Variants in EPRS1 observed in about 807,000 individuals in gnomAD.
EPRS1 encodes the protein glutamyl-prolyl-tRNA synthetase 1.
EPRS1 carries 107 observed loss-of-function variants against 188.3 expected under a neutral mutation model. The ratio of observed to expected loss-of-function variants is 0.57; its 90% CI spans 0.49 to 0.67. The LOEUF (loss-of-function observed/expected upper bound fraction) is 0.67. Among genes scored for constraint, EPRS1 ranks in the 30% least tolerant of loss-of-function variants. The pLI is 0.00. For synonymous variants in EPRS1, 596 were observed against 593.1 expected, an observed-to-expected ratio of 1.00 and a Z score of -0.07; for missense variants, 1,577 against 1,802.2, an observed-to-expected ratio of 0.88 and a Z score of 2.26.
rs1453624067 is a variant in EPRS1 at position 220,007,316 on chromosome 1, G to A, written c.1628C>T (p.Pro543Leu). The change falls in exon 14 of 32, where the codon CCT becomes CTT. Residue 543 changes from proline (P) to leucine (L), a missense_variant. Physicochemically the swap from Pro to Leu is moderately conservative, Grantham distance 98 (BLOSUM62 -3). Transcript: ENST00000366923. ...GAAAACTTTGGGACTATACCACACAGGCTTCAAGCCAACCTCAGGATTCTG... is the reference window on the plus strand; with the variant it reads ...GAAAACTTTGGGACTATACCACACAAGCTTCAAGCCAACCTCAGGATTCTG... ...HPKNPEVGLKPVWYSPKVFIE... is the reference protein window; with the variant it reads ...HPKNPEVGLKLVWYSPKVFIE... 1 of 1,610,934 alleles carries A rather than the reference G, an allele frequency of 6.2e-7. No homozygotes were observed. Among genetic ancestry groups the A allele is most frequent in the Non-Finnish European group, 8.5e-7 (1 of 1,179,102 alleles).
intron 7 of EPRS1, 31 bp downstream of exon 7, chr1:220,025,101 G>A: frequency 6.2e-7 from 1 of 1,601,730 alleles, no homozygotes; most frequent in East Asian, 2.2e-5. Context: ...TCACTTTTCT[G>A]GCAAAGGGTC....
chr1:220,017,042 A>G (rs897258796), intron 12 of EPRS1, among the ~76,000 whole-genome samples: 2 of 151,868 alleles, frequency 1.3e-5, no homozygotes, highest in African/African-American at 2.4e-5. Context: ...GTAAAACCCC[A>G]TCTCTACTAA....
intron 18 of EPRS1, among the ~76,000 whole-genome samples, chr1:219,992,800 G>A (rs184290116): frequency 8.5e-5 from 13 of 152,276 alleles, no homozygotes; most frequent in African/African-American, 2.2e-4. Flanking sequence ...CGTGGCACGC[G>A]CCTGTAATCC....
intron 2 of EPRS1, among the ~76,000 whole-genome samples, chr1:220,038,729 T>C (rs1393778798): frequency 6.6e-6 from 1 of 152,054 alleles, no homozygotes; most frequent in African/African-American, 2.4e-5. Context: ...AGATAATTCT[T>C]TTGAGCAAAG....
At chr1:220,033,163 C>CA (rs944819120) in intron 4 of EPRS1, among the ~76,000 whole-genome samples, 19 of 152,044 alleles carry the variant, frequency 1.2e-4, no homozygotes, top group Middle Eastern at 3.4e-3. Context: ...AAGTCAGAGA[C>CA]AAGTGTCTGG....
At chr1:220,015,272 G>A (rs1661680071) in intron 12 of EPRS1, among the ~76,000 whole-genome samples, 1 of 148,970 alleles carries the variant, frequency 6.7e-6, no homozygotes, top group South Asian at 2.1e-4. Context: ...AGACCAGCTT[G>A]GCCAAGATGA....
At chr1:219,993,019 G>A (rs1257968835) in intron 18 of EPRS1, among the ~76,000 whole-genome samples, 2 of 152,184 alleles carry the variant, frequency 1.3e-5, no homozygotes, top group Non-Finnish European at 2.9e-5. Flanking sequence ...CGGACAGCTT[G>A]AGTATAGAAG....
chr1:220,024,448 C>T lies in EPRS1; in HGVS notation c.759G>A (p.Leu253=). The T allele has an allele frequency of 2.5e-6, 4 of 1,594,036 alleles. No homozygotes were observed. Among genetic ancestry groups the T allele is most frequent in the Non-Finnish European group, 3.4e-6 (4 of 1,173,586 alleles). Residue 253 remains leucine, a synonymous_variant, in exon 8 of 32, where the codon TTG becomes TTA. Coordinates refer to ENST00000366923, the MANE Select transcript of EPRS1 (RefSeq NM_004446.3). ...KEKEDFEKVI[L]EDVAMLHIKP... is the part of the protein sequence containing the mutation. The stretch of plus-strand genomic sequence containing the variant: ...TGATATGCAACATTGCAACATCTTC[C>T]AAGATAACCTGTAGTAAGAAACCAA...
chr1:219,995,322 G>C (rs1276655249), intron 18 of EPRS1, among the ~76,000 whole-genome samples: 1 of 152,188 alleles, frequency 6.6e-6, no homozygotes, highest in African/African-American at 2.4e-5. Flanking sequence ...TACAACGGTT[G>C]CTTCTGTTAC....
chr1:220,024,377 A>T lies in EPRS1; in HGVS notation c.830T>A (p.Met277Lys). 6.2e-7 allele frequency: 1 copy of T among 1,612,494 alleles called. No homozygotes were observed. Among genetic ancestry groups the T allele is most frequent in the Non-Finnish European group, 8.5e-7 (1 of 1,178,814 alleles). Residue 277 changes from methionine (M) to lysine (K), a missense_variant, in exon 8 of 32, where the codon ATG (methionine) becomes AAG (lysine). Coordinates refer to ENST00000366923, the MANE Select transcript of EPRS1 (RefSeq NM_004446.3). ...TYTSDHFETI[M>K]KYAEKLIQEG... ...TTGAATTAGCTTCTCTGCATACTTC[A>T]TTATAGTTTCAAAATGATCCGAAGT...
At position 220,013,507 on chromosome 1, in the gene EPRS1, G is replaced by T. The variant is rs1661646451; in HGVS notation, c.1495-2451C>A. Among the ~76,000 whole-genome samples, 4 of 151,090 alleles carry T rather than the reference G, an allele frequency of 2.6e-5. No homozygotes were observed. The South Asian group carries it at 8.3e-4, about 31-fold the overall frequency. On this transcript the variant is annotated intron_variant, in intron 12 of 31. Coordinates refer to ENST00000366923, the MANE Select transcript of EPRS1 (RefSeq NM_004446.3). ...AATCTAGCTTATTTTTTTTAAAACA[G>T]AACCTGCTTTGAAAAAAAAAATGCT...
At chr1:219,995,812 T>C (rs996893976) in intron 18 of EPRS1, among the ~76,000 whole-genome samples, 13 of 152,186 alleles carry the variant, frequency 8.5e-5, no homozygotes, top group African/African-American at 3.1e-4. Context: ...TGGCAGTGTT[T>C]CATGTCAGAT....
Position 219,979,463 on chromosome 1 carries a change from C to T in EPRS1, c.3864G>A (p.Gly1288=), listed in dbSNP as rs773718262. 1.2e-6 allele frequency: 2 copies of T among 1,613,986 alleles called. No individual in the cohort carries two copies. The highest frequency in any genetic ancestry group is 1.7e-6 in the Non-Finnish European group (2 of 1,179,952). The change falls in exon 27 of 32, where the codon GGG becomes GGA. Residue 1288 remains glycine, a synonymous_variant. Transcript: ENST00000366923. ...RTIGVMTMVH[G]DNMGLVLPPR... is the part of the protein sequence containing the mutation. ...GTGGTAATACTAAACCCATGTTGTC[C>T]CCATGAACCATGGTCATAACACCAA...
chr1:220,045,945 A>T (rs1314950015), intron 1 of EPRS1, among the ~76,000 whole-genome samples: 1 of 152,200 alleles, frequency 6.6e-6, no homozygotes, highest in Non-Finnish European at 1.5e-5. Context: ...TGGGGGAAAA[A>T]TGCTAAAAGA....
At chr1:220,035,443 C>T (rs909631720) in intron 2 of EPRS1, among the ~76,000 whole-genome samples, 16 of 152,168 alleles carry the variant, frequency 1.1e-4, no homozygotes, top group African/African-American at 1.4e-4. Flanking sequence ...TGAGCCACCA[C>T]GCCCAGTCTG....
chr1:219,987,120 T>A, intron 20 of EPRS1, 22 bp downstream of exon 20: 1 of 1,587,228 alleles, frequency 6.3e-7, no homozygotes, highest in Non-Finnish European at 8.5e-7. Flanking sequence ...TTGCTTCAAA[T>A]GAAGTTTCTG....
At chr1:219,981,340 T>C in intron 24 of EPRS1, 38 bp downstream of exon 24, 4 of 1,277,824 alleles carry the variant, frequency 3.1e-6, no homozygotes, top group Non-Finnish European at 4.3e-6. Context: ...AAAAAGAACA[T>C]GAATAATAAT....
chr1:219,988,637 A>G lies in EPRS1; in HGVS notation c.2728T>C (p.Ser910Pro). Reference protein sequence around the residue: ...EAKVLFDKVASQGEVVRKLKT... With the variant: ...EAKVLFDKVAPQGEVVRKLKT... Reference sequence around the variant, plus strand: ...AGTTTCCGAACTACTTCCCCTTGAGAAGCTACTTTGTCAAAAAGTACTTTC... The same window carrying G: ...AGTTTCCGAACTACTTCCCCTTGAGGAGCTACTTTGTCAAAAAGTACTTTC... The change falls in exon 19 of 32, where the codon TCT (serine) becomes CCT (proline). Residue 910 changes from serine to proline, a missense_variant. Ser to Pro is a moderately conservative substitution (Grantham distance 74). Transcript: ENST00000366923. 6.2e-7 allele frequency: 1 copy of G among 1,613,944 alleles called. No homozygotes were observed. The highest frequency in any genetic ancestry group is 1.1e-5 in the South Asian group (1 of 91,068).
intron 28 of EPRS1, among the ~76,000 whole-genome samples, chr1:219,974,751 A>G (rs1246548503): frequency 1.3e-5 from 2 of 152,188 alleles, no homozygotes; most frequent in African/African-American, 2.4e-5. Context: ...TATTTATCCA[A>G]TGTATTATAC....
Sources: allele counts gnomAD v4.1 joint callset (sites outside exome capture counted in the v4.1 genomes callset), GRCh38; gene constraint gnomAD v4.1.1; transcripts MANE v1.5; gene names NCBI Gene and HGNC (gene_info 2026-07-23, HGNC 2026-07-21).